Variants in NKX3-2 observed in about 807,000 individuals in gnomAD.
NKX3-2 encodes the protein homeobox protein Nkx-3.2.
NKX3-2 carries 13 observed loss-of-function variants against 19.4 expected under a neutral mutation model. The observed-to-expected ratio is 0.67, with a 90% CI of 0.44 to 1.07. The LOEUF (loss-of-function observed/expected upper bound fraction) is 1.07, where lower values mean the gene tolerates loss of function less well. Among genes scored for constraint, NKX3-2 ranks in the 50% least tolerant of loss-of-function variants. NKX3-2 has a pLI of 0.00. For synonymous variants in NKX3-2, 269 were observed against 230.5 expected, an observed-to-expected ratio of 1.17 and a Z score of -1.51; for missense variants, 562 against 488.2, an observed-to-expected ratio of 1.15 and a Z score of -1.42.
At position 13,544,112 on chromosome 4, in the gene NKX3-2, G is replaced by T; in HGVS notation, c.303C>A (p.Asn101Lys). 6.3e-7 allele frequency: 1 copy of T among 1,599,976 alleles called. No individual in the cohort carries two copies. The highest frequency in any genetic ancestry group is 8.5e-7 in the Non-Finnish European group (1 of 1,175,808). The change falls in exon 1 of 2, where the codon AAC becomes AAA. Residue 101 changes from asparagine (N) to lysine (K), a missense_variant. Asn to Lys is a moderately conservative substitution (Grantham distance 94). Coordinates refer to ENST00000382438, the MANE Select transcript of NKX3-2 (RefSeq NM_001189.4). ...WDSDSALSEENESRRRCADAR... is the reference protein window; with the variant it reads ...WDSDSALSEEKESRRRCADAR... ...CGTCCGCGCAGCGCCGCCTGCTCTC[G>T]TTCTCCTCGCTGAGCGCGGAGTCCG...
At chr4:13,547,532 C>G (rs1718164510), upstream of NKX3-2, 1 of 229,836 alleles carries the variant, frequency 4.4e-6, no homozygotes. Flanking sequence ...CCATTTTTTC[C>G]TAGTCTTCTG....
rs1244855663 is a variant in NKX3-2, at chr4:13,542,266, C to T, written c.729G>A (p.Leu243=). The T allele has an allele frequency of 6.2e-7, 1 of 1,611,046 alleles. No homozygotes were observed. Among genetic ancestry groups the T allele is most frequent in the East Asian group, 2.2e-5 (1 of 44,826 alleles). ...GPERADLAAS[L]KLTETQVKIW... Reference sequence around the variant, plus strand: ...TTTTCACCTGCGTCTCGGTGAGCTTCAGCGACGCGGCCAGGTCTGCGCGCT... The same window carrying T: ...TTTTCACCTGCGTCTCGGTGAGCTTTAGCGACGCGGCCAGGTCTGCGCGCT... The change falls in exon 2 of 2, where the codon CTG becomes CTA. Residue 243 remains leucine, a synonymous_variant. Coordinates refer to ENST00000382438, the MANE Select transcript of NKX3-2 (RefSeq NM_001189.4). The surrounding 1 kb of genome is among the most constrained non-coding windows in gnomAD (Gnocchi z 6.4).
At position 13,544,441 on chromosome 4, in the gene NKX3-2, G is replaced by C. The variant is rs1438090116; in HGVS notation, c.-27C>G. On this transcript the variant is annotated 5_prime_UTR_variant, in exon 1 of 2. Coordinates refer to ENST00000382438, the MANE Select transcript of NKX3-2 (RefSeq NM_001189.4). ...TGCGCCGCGGGCAGGAGCGGCCGGC[G>C]GGGCGGGCAGCTGGGGCGCCGAGCA... 2 of 1,457,596 alleles carry C rather than the reference G, an allele frequency of 1.4e-6. No individual in the cohort carries two copies. The highest frequency in any genetic ancestry group is 1.8e-6 in the Non-Finnish European group (2 of 1,110,428). 90.3% of individuals were successfully genotyped at this position (1,457,596 alleles called of 1,614,324 possible).
In NKX3-2 at chr4:13,541,906, C is replaced by T; in HGVS notation, c.*87G>A. 3 of 1,515,260 alleles carry T rather than the reference C, an allele frequency of 2.0e-6. No individual in the cohort carries two copies. Among genetic ancestry groups the T allele is most frequent in the Admixed American group, 2.1e-5 (1 of 47,770 alleles). The allele number at this position is 1,515,260 out of a possible 1,614,324, so 93.9% of individuals were successfully genotyped here. On this transcript the variant is annotated 3_prime_UTR_variant, in exon 2 of 2. Coordinates refer to ENST00000382438, the MANE Select transcript of NKX3-2 (RefSeq NM_001189.4). ...ACCTCCAGGTGCCTCCTTGGCGGGGCGCCCCGTGCAGGCTACAGCCTACAG... is the reference window on the plus strand; with the variant it reads ...ACCTCCAGGTGCCTCCTTGGCGGGGTGCCCCGTGCAGGCTACAGCCTACAG...
At chr4:13,545,889 GA>G (rs1270446436), upstream of NKX3-2, among the ~76,000 whole-genome samples, 1 of 152,116 alleles carries the variant, frequency 6.6e-6, no homozygotes, top group Non-Finnish European at 1.5e-5. Context: ...TAAAAAATAA[GA>G]AATGCATTGT....
At position 13,544,186 on chromosome 4, in the gene NKX3-2, T is replaced by A; in HGVS notation, c.229A>T (p.Thr77Ser). 1.2e-6 allele frequency: 2 copies of A among 1,603,296 alleles called. No individual in the cohort carries two copies. Among genetic ancestry groups the A allele is most frequent in the Non-Finnish European group, 1.7e-6 (2 of 1,178,902 alleles). Residue 77 changes from threonine (T) to serine (S), a missense_variant, in exon 1 of 2, where the codon ACC becomes TCC. Thr to Ser is a moderately conservative substitution (Grantham distance 58). Transcript: ENST00000382438. ...GCAGTCCGCCCCGCAGCTGTTCTGG[T>A]ACCGGCAGGAGACGCCAGCAGAGAG... ...EDSLLASPAG[T>S]RTAAGRTAES...
rs1285279356 is a variant in NKX3-2 at position 13,541,199 on chromosome 4, TA to T, written c.*793del. On this transcript the variant is annotated 3_prime_UTR_variant, in exon 2 of 2. Transcript: ENST00000382438. ...CACGTCTTAACCTCCTTTACACAAA[TA>T]AAAAGAAACCAAGGAAAGTTTCCGC... 3 of 152,196 alleles carry T rather than the reference TA, an allele frequency of 2.0e-5. No homozygotes were observed. The highest frequency in any genetic ancestry group is 7.2e-5 in the African/African-American group (3 of 41,434). 9.4% of individuals were successfully genotyped at this position (152,196 alleles called of 1,614,324 possible). A position where few individuals can be genotyped will look rare whatever the true frequency, so the allele number is the denominator to read the frequency against.
upstream of NKX3-2, among the ~76,000 whole-genome samples, chr4:13,545,418 TAGGA>T (rs1179285178): frequency 2.0e-5 from 3 of 152,236 alleles, no homozygotes; most frequent in Non-Finnish European, 4.4e-5. Flanking sequence ...TTCTGTTCTC[TAGGA>T]AGGATTATAA....
At chr4:13,545,933 A>G (rs1284951735), upstream of NKX3-2, 1 of 152,268 alleles carries the variant, frequency 6.6e-6, no homozygotes, top group African/African-American at 2.4e-5. Flanking sequence ...GCTAAGAAAC[A>G]CAAATATTGT....
At chr4:13,546,766 A>C, upstream of NKX3-2, 1 of 374,742 alleles carries the variant, frequency 2.7e-6, no homozygotes, top group South Asian at 2.0e-5. Context: ...AACAACTACC[A>C]TTTAGTTGCG....
Position 13,542,656 on chromosome 4 carries a change from A to T in NKX3-2, c.467-128T>A, listed in dbSNP as rs1416362681. On this transcript the variant is annotated intron_variant, in intron 1 of 1. Coordinates refer to ENST00000382438, the MANE Select transcript of NKX3-2 (RefSeq NM_001189.4). The surrounding 1 kb of genome is among the most constrained non-coding windows in gnomAD (Gnocchi z 6.4). ...CTTTGATCCCACTCAAGCGGAGCGG[A>T]GGTCTGGGAGGCCCTGGGCCCGGGA... is the stretch of plus-strand genomic sequence containing the variant. 8.0e-7 allele frequency: 1 copy of T among 1,249,180 alleles called. No homozygotes were observed. The highest frequency in any genetic ancestry group is 1.5e-5 in the African/African-American group (1 of 67,838). The allele number at this position is 1,249,180 out of a possible 1,614,324, so 77.4% of individuals were successfully genotyped here. A position where few individuals can be genotyped will look rare whatever the true frequency, so the allele number is the denominator to read the frequency against.
chr4:13,547,220 G>A (rs1718153166), upstream of NKX3-2: 1 of 456,234 alleles, frequency 2.2e-6, no homozygotes, highest in South Asian at 1.5e-5. Context: ...GCCCAGAGTG[G>A]CGGTGTGTGG....
chr4:13,546,134 C>T (rs1422609138), upstream of NKX3-2: 1 of 152,228 alleles, frequency 6.6e-6, no homozygotes. Flanking sequence ...GTTTTGGTGT[C>T]ATTAAAATAA....
chr4:13,542,808 G>A lies in NKX3-2; in HGVS notation c.467-280C>T, dbSNP rs1048964437. Among the ~76,000 whole-genome samples the A allele has an allele frequency of 6.6e-6, 1 of 152,014 alleles. No homozygotes were observed. Among genetic ancestry groups the A allele is most frequent in the Non-Finnish European group, 1.5e-5 (1 of 68,000 alleles). On this transcript the variant is annotated intron_variant, in intron 1 of 1. Coordinates refer to ENST00000382438, the MANE Select transcript of NKX3-2 (RefSeq NM_001189.4). This position sits in a 1 kb window ranked among gnomAD's most constrained non-coding sequence, Gnocchi z 6.4. ...GCTCCCCACCCTCTCTGGGCCCCAG[G>A]CTCCCCTCAGTAACTTGGGGCACTC...
At chr4:13,547,337 G>A (rs1185065876), upstream of NKX3-2, 1 of 435,486 alleles carries the variant, frequency 2.3e-6, no homozygotes, top group Non-Finnish European at 4.6e-6. Context: ...CTTCCTTCGG[G>A]CTCAGCTGTG....
upstream of NKX3-2, chr4:13,547,074 C>A (rs1422439041): frequency 2.2e-6 from 1 of 456,100 alleles, no homozygotes; most frequent in African/African-American, 2.0e-5. Context: ...GTGCTTGGCG[C>A]GGAGGGTGAA....
upstream of NKX3-2, chr4:13,547,107 T>A: frequency 2.2e-6 from 1 of 456,336 alleles, no homozygotes; most frequent in South Asian, 1.5e-5. Context: ...GAGCTGCAAC[T>A]AGAAGCTGCT....
chr4:13,543,979 T>C lies in NKX3-2; in HGVS notation c.436A>G (p.Ser146Gly). Residue 146 changes from serine (S) to glycine (G), a missense_variant, in exon 1 of 2, where the codon AGC (serine) becomes GGC (glycine). Transcript: ENST00000382438. The surrounding 1 kb of genome is among the most constrained non-coding windows in gnomAD (Gnocchi z 7.1). The part of the protein sequence containing the change: ...KDLEEEAAGR[S>G]DSEMSASVSG... ...ACGCTGGCGGACATCTCGCTGTCGC[T>C]CCGGCCCGCGGCTTCCTCCTCTAGG... The C allele has an allele frequency of 1.3e-6, 2 of 1,557,834 alleles. No homozygotes were observed. The highest frequency in any genetic ancestry group is 1.4e-5 in the African/African-American group (1 of 71,684).
chr4:13,543,287 C>G lies in NKX3-2; in HGVS notation c.466+662G>C, dbSNP rs1718033806. ...ACCCAACTAGGGCAGGCACCCGGGT[C>G]TTCCAGACCACAGGACAGGACAGGC... On this transcript the variant is annotated intron_variant, in intron 1 of 1. Coordinates refer to ENST00000382438, the MANE Select transcript of NKX3-2 (RefSeq NM_001189.4). This position sits in a 1 kb window ranked among gnomAD's most constrained non-coding sequence, Gnocchi z 7.1. 6.6e-6 allele frequency among the ~76,000 whole-genome samples: 1 copy of G among 152,170 alleles called. No homozygotes were observed. The highest frequency in any genetic ancestry group is 2.1e-4 in the South Asian group (1 of 4,824).
Sources: allele counts gnomAD v4.1 joint callset (sites outside exome capture counted in the v4.1 genomes callset), GRCh38; gene constraint gnomAD v4.1.1; non-coding constraint Gnocchi (gnomAD v3.1); transcripts MANE v1.5; gene names NCBI Gene and HGNC (gene_info 2026-07-23, HGNC 2026-07-21).